Variants in PAK1 observed in about 807,000 individuals in gnomAD.
PAK1 encodes p21 (RAC1) activated kinase 1.
A neutral mutation model predicts 67.4 loss-of-function variants in PAK1; 29 were observed. That is an observed-to-expected ratio of 0.43 (90% CI 0.32 to 0.59). The LOEUF is 0.59. Among genes scored for constraint, PAK1 ranks in the 20% least tolerant of loss-of-function variants. The pLI is 0.07. For synonymous variants in PAK1, 223 were observed against 237.4 expected, an observed-to-expected ratio of 0.94 and a Z score of 0.56; for missense variants, 337 against 670.7, an observed-to-expected ratio of 0.50 and a Z score of 5.50.
In PAK1 at chr11:77,436,458, C is replaced by T. The variant is rs567652041; in HGVS notation, c.-22+37094G>A. ...TAGTCCCAGAAGTGCTACCAAACTGCTATATAATCTTGACTAAGTCAATTT... is the reference window on the plus strand; with the variant it reads ...TAGTCCCAGAAGTGCTACCAAACTGTTATATAATCTTGACTAAGTCAATTT... On this transcript the variant is annotated intron_variant, in intron 1 of 14. Coordinates refer to ENST00000356341, the MANE Select transcript of PAK1 (RefSeq NM_002576.5). Among the ~76,000 whole-genome samples, 283 of 152,294 alleles carry T rather than the reference C, an allele frequency of 1.9e-3. 2 individuals carry two copies. Among genetic ancestry groups the T allele is most frequent in the African/African-American group, 6.2e-3 (258 of 41,560 alleles).
the PAK1 span, among the ~76,000 whole-genome samples, chr11:77,483,446 C>T: frequency 6.6e-6 from 1 of 152,176 alleles, no homozygotes; most frequent in Non-Finnish European, 1.5e-5. Flanking sequence ...TTTATCAAAA[C>T]TCTACTTTGC....
upstream of PAK1, among the ~76,000 whole-genome samples, chr11:77,479,117 A>G (rs1403750251): frequency 6.6e-6 from 1 of 151,578 alleles, no homozygotes; most frequent in Non-Finnish European, 1.5e-5. Flanking sequence ...AGATCTAAGC[A>G]TTAGCACTCA....
intron 9 of PAK1, 41 bp downstream of exon 9, chr11:77,349,198 A>C (rs1226513862): frequency 6.8e-7 from 1 of 1,460,222 alleles, no homozygotes; most frequent in Non-Finnish European, 9.5e-7. Context: ...AAATAAAAAG[A>C]AACAGAACTA....
chr11:77,379,069 T>C, intron 4 of PAK1, 172 bp downstream of exon 4: 1 of 607,274 alleles, frequency 1.6e-6, no homozygotes, highest in African/African-American at 1.9e-5. Flanking sequence ...AGACTCAAGT[T>C]TGATGCAAAG....
At chr11:77,402,519 T>G (rs899840730) in intron 1 of PAK1, among the ~76,000 whole-genome samples, 1 of 152,152 alleles carries the variant, frequency 6.6e-6, no homozygotes, top group African/African-American at 2.4e-5. Flanking sequence ...AAATTGAAAT[T>G]TAACCTTCAA....
Position 77,323,179 on chromosome 11 carries a change from A to C in PAK1, c.*95T>G, listed in dbSNP as rs1938784584. On this transcript the variant is annotated 3_prime_UTR_variant, in exon 15 of 15. Transcript: ENST00000356341. The stretch of plus-strand genomic sequence containing the variant: ...GCTAGATCAGGAAATGGGAGAAGCA[A>C]GGCAAGGAGAAGAGGGCATCAGGAG... 1 of 1,577,734 alleles carries C rather than the reference A, an allele frequency of 6.3e-7. No individual in the cohort carries two copies. The highest frequency in any genetic ancestry group is 8.6e-7 in the Non-Finnish European group (1 of 1,161,024).
At chr11:77,414,790 T>C (rs1954857047) in intron 1 of PAK1, among the ~76,000 whole-genome samples, 1 of 152,168 alleles carries the variant, frequency 6.6e-6, no homozygotes, top group African/African-American at 2.4e-5. Flanking sequence ...AACTATAAAA[T>C]GTCTAAAATA....
the PAK1 span, among the ~76,000 whole-genome samples, chr11:77,496,197 T>G: frequency 6.6e-6 from 1 of 151,882 alleles, no homozygotes; most frequent in Non-Finnish European, 1.5e-5. Context: ...TTTTGTATTT[T>G]TAGTAGAGAC....
At chr11:77,395,674 TACTC>T (rs1349441680) in intron 1 of PAK1, among the ~76,000 whole-genome samples, 1 of 152,118 alleles carries the variant, frequency 6.6e-6, no homozygotes, top group Non-Finnish European at 1.5e-5. Context: ...ATAAAAATCT[TACTC>T]ATCCATCAAG....
chr11:77,492,087 C>T, the PAK1 span, among the ~76,000 whole-genome samples: 2 of 152,200 alleles, frequency 1.3e-5, no homozygotes, highest in African/African-American at 4.8e-5. Context: ...AGTCAATCAA[C>T]ATATTTCACT....
At chr11:77,355,865 T>G in intron 6 of PAK1, 23 bp from the exon 7 acceptor site, 1 of 1,598,674 alleles carries the variant, frequency 6.3e-7, no homozygotes, top group Non-Finnish European at 8.6e-7. Context: ...TGCAAAATTT[T>G]GGCAAGACCA....
chr11:77,474,543 C>A (rs1191755966), upstream of PAK1: 1 of 152,150 alleles, frequency 6.6e-6, no homozygotes, highest in Non-Finnish European at 1.5e-5. Flanking sequence ...GGCTAACTTC[C>A]GGCGCTGAGG....
chr11:77,501,221 T>C, the PAK1 span, among the ~76,000 whole-genome samples: 2 of 151,790 alleles, frequency 1.3e-5, no homozygotes, highest in Admixed American at 1.3e-4. Context: ...GTTAGTAGAA[T>C]TTGCTGGCAA....
At chr11:77,483,197 C>CAAA in the PAK1 span, among the ~76,000 whole-genome samples, 1 of 102,148 alleles carries the variant, frequency 9.8e-6, no homozygotes. Context: ...GACTCCATCT[C>CAAA]AAAAAAAAAA....
chr11:77,435,494 CTT>C (rs199613170), intron 1 of PAK1, among the ~76,000 whole-genome samples: 11 of 141,254 alleles, frequency 7.8e-5, no homozygotes, highest in East Asian at 2.0e-4. Flanking sequence ...CATATTTTCT[CTT>C]TTTTTTTTTT....
At chr11:77,506,097 A>G in the PAK1 span, among the ~76,000 whole-genome samples, 1 of 152,206 alleles carries the variant, frequency 6.6e-6, no homozygotes, top group African/African-American at 2.4e-5. Context: ...TAGAGAGGCA[A>G]TGATAACCAA....
chr11:77,474,441 C>G (rs1209343087), upstream of PAK1: 2 of 152,198 alleles, frequency 1.3e-5, no homozygotes, highest in Admixed American at 1.3e-4. Context: ...GGTCCGCTGT[C>G]CGTGGCGGGT....
chr11:77,371,016 T>A (rs563389127), intron 5 of PAK1, among the ~76,000 whole-genome samples: 4 of 152,330 alleles, frequency 2.6e-5, no homozygotes, highest in African/African-American at 9.6e-5. Flanking sequence ...TACTTAACAC[T>A]ATATTATAAA....
At chr11:77,486,902 G>C in the PAK1 span, among the ~76,000 whole-genome samples, 1 of 152,118 alleles carries the variant, frequency 6.6e-6, no homozygotes, top group Non-Finnish European at 1.5e-5. Flanking sequence ...CGGCAAGTCC[G>C]GGTGCTGTTC....
Sources: allele counts gnomAD v4.1 joint callset (sites outside exome capture counted in the v4.1 genomes callset), GRCh38; gene constraint gnomAD v4.1.1; transcripts MANE v1.5; gene names NCBI Gene and HGNC (gene_info 2026-07-23, HGNC 2026-07-21).